The following HYKK variants were observed in gnomAD, a reference collection of about 807,000 sequenced individuals.
HYKK encodes the protein hydroxylysine kinase.
Under a neutral mutation model 29.7 loss-of-function variants are expected in HYKK, and 19 were observed. The observed-to-expected ratio is 0.64, with a 90% CI of 0.45 to 0.94. HYKK has a LOEUF of 0.94. Ranked by LOEUF, HYKK falls within the 40% of genes least tolerant of loss-of-function variation. The pLI is 0.00. For synonymous variants in HYKK, 152 were observed against 158.1 expected, an observed-to-expected ratio of 0.96 and a Z score of 0.29; for missense variants, 390 against 443.4, an observed-to-expected ratio of 0.88 and a Z score of 1.08.
chr15:78,513,553 A>G (rs2052097581), intron 2 of HYKK, 128 bp downstream of exon 2: 1 of 681,340 alleles, frequency 1.5e-6, no homozygotes, highest in African/African-American at 1.8e-5. Context: ...ATTTTTTAGC[A>G]CCTCAATAGT....
At chr15:78,509,956 A>C (rs887325563) in intron 1 of HYKK, among the ~76,000 whole-genome samples, 1 of 152,204 alleles carries the variant, frequency 6.6e-6, no homozygotes, top group Non-Finnish European at 1.5e-5. Context: ...GGCACAAGCT[A>C]TGCAAGTTAA....
intron 4 of HYKK, among the ~76,000 whole-genome samples, chr15:78,532,830 T>G (rs1262028344): frequency 6.6e-6 from 1 of 152,164 alleles, no homozygotes; most frequent in Non-Finnish European, 1.5e-5. Context: ...AAATCCTAGA[T>G]GAAAATAAAG....
intron 3 of HYKK, among the ~76,000 whole-genome samples, chr15:78,526,823 A>G (rs2141362386): frequency 6.6e-6 from 1 of 152,312 alleles, no homozygotes; most frequent in Middle Eastern, 3.4e-3. Context: ...AAGGCTTACT[A>G]TTTTGTGAGT....
rs2052097360 is a variant in HYKK at position 78,513,529 on chromosome 15, A to G, written c.337+104A>G. The G allele has an allele frequency of 4.9e-6, 4 of 810,668 alleles. No homozygotes were observed. The Admixed American group carries it at 1.0e-4, about 21-fold the overall frequency. The allele number at this position is 810,668 out of a possible 1,614,324, so 50.2% of individuals were successfully genotyped here. The stretch of plus-strand genomic sequence containing the variant: ...AGCAGGTTCATAATTCCAAGTGTAG[A>G]TGTGGTTGTTATTATTTTTTAGCAC... On this transcript the variant is annotated intron_variant, in intron 2 of 4. Transcript: ENST00000388988.
chr15:78,518,501 G>T (rs2052158584), intron 3 of HYKK: 1 of 436,864 alleles, frequency 2.3e-6, no homozygotes, highest in African/African-American at 2.0e-5. Context: ...TTCTCTCAGG[G>T]ATCACTGTTT....
chr15:78,524,801 T>C (rs969932237), intron 3 of HYKK, among the ~76,000 whole-genome samples: 2 of 151,930 alleles, frequency 1.3e-5, no homozygotes, highest in Non-Finnish European at 2.9e-5. Context: ...AGAGAGAGAC[T>C]CTGCCTCAAA....
chr15:78,517,072 TC>T (rs1381151176), intron 3 of HYKK, among the ~76,000 whole-genome samples: 1 of 7,848 alleles, frequency 1.3e-4, no homozygotes, highest in African/African-American at 1.7e-3. Flanking sequence ...CTTGCTTGCA[TC>T]AGGTCCTTTT....
chr15:78,517,602 C>T (rs1596029369), intron 3 of HYKK, among the ~76,000 whole-genome samples: 1 of 152,080 alleles, frequency 6.6e-6, no homozygotes, highest in East Asian at 1.9e-4. Flanking sequence ...AAAAAATTCT[C>T]TTTATCTCCA....
rs1266749764 is a variant in HYKK at position 78,534,585 on chromosome 15, T to G, written c.*915T>G. On this transcript the variant is annotated 3_prime_UTR_variant, in exon 5 of 5. Coordinates refer to ENST00000388988, the MANE Select transcript of HYKK (RefSeq NM_001013619.4). ...CTTCTTATCACACCTGCTATTATAG[T>G]GCCTTTCCTACAGAGAGGTCTTTAA... 1 of 152,198 alleles carries G rather than the reference T, an allele frequency of 6.6e-6. No homozygotes were observed. The highest frequency in any genetic ancestry group is 1.5e-5 in the Non-Finnish European group (1 of 68,028). The allele number at this position is 152,198 out of a possible 1,614,324, so 9.4% of individuals were successfully genotyped here. A position where few individuals can be genotyped will look rare whatever the true frequency, so the allele number is the denominator to read the frequency against.
chr15:78,519,633 G>A (rs2052171047), intron 3 of HYKK, among the ~76,000 whole-genome samples: 1 of 152,104 alleles, frequency 6.6e-6, no homozygotes, highest in African/African-American at 2.4e-5. Flanking sequence ...GGTGGCAGGT[G>A]CCTGTAGTCC....
At chr15:78,530,162 A>G (rs1365959145) in intron 4 of HYKK, among the ~76,000 whole-genome samples, 2 of 150,462 alleles carry the variant, frequency 1.3e-5, no homozygotes, top group African/African-American at 2.4e-5. Context: ...TTATTGAGAT[A>G]TAGTTCACAA....
chr15:78,532,261 G>C (rs1303957732), intron 4 of HYKK, among the ~76,000 whole-genome samples: 1 of 152,110 alleles, frequency 6.6e-6, no homozygotes, highest in Non-Finnish European at 1.5e-5. Flanking sequence ...ACTTGAACTC[G>C]TGTACGCTCC....
chr15:78,528,228 A>G (rs1200931943), intron 4 of HYKK: 2 of 160,616 alleles, frequency 1.2e-5, no homozygotes, highest in African/African-American at 4.8e-5. Flanking sequence ...TTTGATTCTC[A>G]TAGGAGCACA....
At chr15:78,508,010 G>A (rs1428348998) in intron 1 of HYKK, among the ~76,000 whole-genome samples, 1 of 152,152 alleles carries the variant, frequency 6.6e-6, no homozygotes, top group African/African-American at 2.4e-5. Flanking sequence ...CAGTCTCTGA[G>A]CTCCGCTGAA....
chr15:78,527,914 T>G (rs941917380), intron 4 of HYKK: 2 of 213,020 alleles, frequency 9.4e-6, no homozygotes, highest in Non-Finnish European at 1.7e-5. Context: ...CAGCATGTTT[T>G]GCAGATTGAT....
At chr15:78,525,290 G>A (rs1041392222) in intron 3 of HYKK, among the ~76,000 whole-genome samples, 1 of 151,160 alleles carries the variant, frequency 6.6e-6, no homozygotes, top group African/African-American at 2.4e-5. Context: ...CAAGTAGCTG[G>A]GACTACAGGC....
In HYKK at chr15:78,515,125, A is replaced by G; in HGVS notation, c.477+18A>G. 6.5e-7 allele frequency: 1 copy of G among 1,528,046 alleles called. No homozygotes were observed. Among genetic ancestry groups the G allele is most frequent in the Non-Finnish European group, 8.8e-7 (1 of 1,136,666 alleles). The allele number at this position is 1,528,046 out of a possible 1,614,324, so 94.7% of individuals were successfully genotyped here. A position where few individuals can be genotyped will look rare whatever the true frequency, so the allele number is the denominator to read the frequency against. On this transcript the variant is annotated intron_variant, in intron 3 of 4. Transcript: ENST00000388988. ...CACTGCAGGTAAGATTTGGGGCTTT[A>G]TTTTATTCTAAGGGATGTTTGTTTG...
chr15:78,512,982 C>T (rs886757969), intron 1 of HYKK, 102 bp from the exon 2 acceptor site: 31 of 653,320 alleles, frequency 4.7e-5, no homozygotes, highest in Admixed American at 1.2e-4. Context: ...AAAAGAAGTA[C>T]AGAATCAACA....
chr15:78,526,393 C>T (rs763419384), intron 3 of HYKK, among the ~76,000 whole-genome samples: 23 of 152,118 alleles, frequency 1.5e-4, no homozygotes, highest in Non-Finnish European at 5.9e-5. Context: ...TAAGCAGAGA[C>T]GACAGGTACA....
Sources: gnomAD v4.1 joint callset for allele counts (sites outside exome capture counted in the v4.1 genomes callset) on GRCh38, gnomAD v4.1.1 for gene constraint, MANE v1.5 for transcripts, NCBI Gene and HGNC (gene_info 2026-07-23, HGNC 2026-07-21) for gene names.